MDGA2: variants seen among roughly 807,000 people sequenced by gnomAD.
MDGA2 encodes MAM domain-containing glycosylphosphatidylinositol anchor protein 2.
Under a neutral mutation model 117.8 loss-of-function variants are expected in MDGA2, and 40 were observed. That is an observed-to-expected ratio of 0.34 (90% confidence interval 0.26 to 0.44). MDGA2 has a LOEUF of 0.44. Among genes scored for constraint, MDGA2 ranks in the 20% least tolerant of loss-of-function variants. The pLI, the probability that MDGA2 is intolerant of heterozygous loss-of-function variation, is 1.00. For synonymous variants in MDGA2, 452 were observed against 439.0 expected (o/e 1.03, Z -0.37); for missense variants, 1,123 against 1,250.6 (o/e 0.90, Z 1.54).
intron 14 of MDGA2, among the ~76,000 whole-genome samples, chr14:46,869,085 A>T (rs182017629): frequency 6.6e-6 from 1 of 151,684 alleles, no homozygotes; most frequent in South Asian, 2.1e-4. Context: ...CCACATCTCT[A>T]TTTATCAGTT....
rs371034704 is a variant in MDGA2, at chr14:47,178,721, A to G, written c.596-34447T>C. The stretch of plus-strand genomic sequence containing the variant: ...TCGTGGTGCTATGGGAACTATCAGA[A>G]ACAATTATGTTATAGAAATGTGATT... On this transcript the variant is annotated intron_variant, in intron 3 of 16. Coordinates refer to ENST00000399232, the MANE Select transcript of MDGA2 (RefSeq NM_001113498.3). Among the ~76,000 whole-genome samples, 160 of 152,294 alleles carry G rather than the reference A, an allele frequency of 1.1e-3. 2 individuals carry two copies. The highest frequency in any genetic ancestry group is 3.6e-3 in the African/African-American group (150 of 41,570).
chr14:47,564,151 G>A (rs558053563), intron 1 of MDGA2, among the ~76,000 whole-genome samples: 2 of 152,224 alleles, frequency 1.3e-5, no homozygotes, highest in South Asian at 2.1e-4. Context: ...TCCCTTTGTA[G>A]GTGGCTGCCC....
chr14:46,907,891 T>G lies in MDGA2; in HGVS notation c.2238+12121A>C, dbSNP rs531386251. Among the ~76,000 whole-genome samples the G allele has an allele frequency of 9.2e-5, 14 of 152,294 alleles. No homozygotes were observed. In the East Asian group the frequency reaches 2.5e-3, roughly 27 times the overall value. On this transcript the variant is annotated intron_variant, in intron 10 of 16. Coordinates refer to ENST00000399232, the MANE Select transcript of MDGA2 (RefSeq NM_001113498.3). ...TCACAAAGTAGGAATTTTTCCTGAGTACGTAGTTAAGGTACTTTCTGTCTT... is the reference window on the plus strand; with the variant it reads ...TCACAAAGTAGGAATTTTTCCTGAGGACGTAGTTAAGGTACTTTCTGTCTT...
intron 1 of MDGA2, among the ~76,000 whole-genome samples, chr14:47,470,518 A>G: frequency 6.6e-6 from 1 of 152,024 alleles, no homozygotes; most frequent in Non-Finnish European, 1.5e-5. Context: ...TCTATCATTG[A>G]TGGACATTTG....
chr14:47,171,377 A>G (rs1047073729), intron 3 of MDGA2, among the ~76,000 whole-genome samples: 1 of 152,222 alleles, frequency 6.6e-6, no homozygotes, highest in Non-Finnish European at 1.5e-5. Flanking sequence ...AATACAAAAT[A>G]TCAAACAATT....
At chr14:47,661,164 T>G (rs1403031647) in intron 1 of MDGA2, among the ~76,000 whole-genome samples, 1 of 152,052 alleles carries the variant, frequency 6.6e-6, no homozygotes, top group Admixed American at 6.6e-5. Context: ...CACACACATA[T>G]CTGAATATAA....
intron 2 of MDGA2, among the ~76,000 whole-genome samples, chr14:47,250,893 C>T (rs928125465): frequency 6.6e-6 from 1 of 152,192 alleles, no homozygotes; most frequent in Non-Finnish European, 1.5e-5. Flanking sequence ...TCATCTGAAT[C>T]TGGGAGGAGC....
chr14:47,399,141 A>C (rs1031825471), intron 1 of MDGA2, among the ~76,000 whole-genome samples: 21 of 152,218 alleles, frequency 1.4e-4, no homozygotes, highest in Middle Eastern at 3.2e-3. Context: ...ATACTTGCAA[A>C]TATCATAGGC....
intron 3 of MDGA2, among the ~76,000 whole-genome samples, chr14:47,170,706 T>C (rs1186860257): frequency 1.3e-5 from 2 of 152,190 alleles, no homozygotes; most frequent in Non-Finnish European, 2.9e-5. Flanking sequence ...AGAGTTATCA[T>C]ATTAAAATGA....
intron 7 of MDGA2, among the ~76,000 whole-genome samples, chr14:47,053,640 TATATATATATATATACACAC>T (rs1566595327): frequency 1.6e-5 from 1 of 63,450 alleles, no homozygotes. Flanking sequence ...TATATATATA[TATATATATATATATACACAC>T]ACACACACAC....
intron 1 of MDGA2, among the ~76,000 whole-genome samples, chr14:47,466,964 C>T (rs2138605618): frequency 6.6e-6 from 1 of 152,158 alleles, no homozygotes; most frequent in South Asian, 2.1e-4. Context: ...AATTGAATTA[C>T]TTCTAGAAAA....
intron 3 of MDGA2, among the ~76,000 whole-genome samples, chr14:47,170,863 A>G (rs754158728): frequency 1.7e-4 from 26 of 152,196 alleles, no homozygotes; most frequent in Non-Finnish European, 2.9e-4. Context: ...AACCTAAAGA[A>G]GAATATTTTT....
intron 7 of MDGA2, among the ~76,000 whole-genome samples, chr14:47,048,127 A>G (rs1312090554): frequency 1.3e-5 from 2 of 151,986 alleles, no homozygotes; most frequent in Non-Finnish European, 2.9e-5. Flanking sequence ...GGACATCCCT[A>G]TATACATCTA....
chr14:47,661,885 G>A (rs914974741), intron 1 of MDGA2, among the ~76,000 whole-genome samples: 8 of 149,448 alleles, frequency 5.4e-5, no homozygotes, highest in Non-Finnish European at 1.0e-4. Context: ...ACAGGCACCC[G>A]CCACTACGCC....
intron 1 of MDGA2, among the ~76,000 whole-genome samples, chr14:47,569,915 G>T (rs988195239): frequency 1.3e-5 from 2 of 152,094 alleles, no homozygotes; most frequent in Non-Finnish European, 2.9e-5. Flanking sequence ...TGCTTTTAAA[G>T]ATCTATGGTT....
At chr14:47,596,354 T>C (rs981981166) in intron 1 of MDGA2, among the ~76,000 whole-genome samples, 1 of 152,194 alleles carries the variant, frequency 6.6e-6, no homozygotes, top group African/African-American at 2.4e-5. Flanking sequence ...TGAAAACAGA[T>C]AAAGATTTAG....
intron 1 of MDGA2, among the ~76,000 whole-genome samples, chr14:47,330,406 A>G (rs1371368041): frequency 6.6e-6 from 1 of 151,958 alleles, no homozygotes. Context: ...AATGCAGAGA[A>G]AGAAGGACAT....
At chr14:47,554,327 T>C (rs1230657354) in intron 1 of MDGA2, among the ~76,000 whole-genome samples, 1 of 152,218 alleles carries the variant, frequency 6.6e-6, no homozygotes, top group Non-Finnish European at 1.5e-5. Context: ...TTTTTTGAAA[T>C]GCATGTTTGT....
chr14:47,282,523 AAC>A (rs59651044), intron 2 of MDGA2, among the ~76,000 whole-genome samples: 128,602 of 149,426 alleles, frequency 0.86, 55,403 homozygotes, highest in East Asian at 0.95. Flanking sequence ...ATTAAAAATA[AAC>A]ACACACACAC....
Sources: gnomAD v4.1 joint callset for allele counts (sites outside exome capture counted in the v4.1 genomes callset) on GRCh38, gnomAD v4.1.1 for gene constraint, MANE v1.5 for transcripts, NCBI Gene and HGNC (gene_info 2026-07-23, HGNC 2026-07-21) for gene names.